The following AP5Z1 variants were observed in gnomAD, a reference collection of about 807,000 sequenced individuals.
The protein encoded by AP5Z1 is AP-5 complex subunit zeta-1.
A neutral mutation model predicts 83.0 loss-of-function variants in AP5Z1; 106 were observed. The ratio of observed to expected loss-of-function variants is 1.28; its 90% CI spans 1.09 to 1.50. AP5Z1 has a LOEUF of 1.50. AP5Z1 is among the 40% of genes most tolerant of loss of function. The pLI is 0.00. For synonymous variants in AP5Z1, 751 were observed against 514.1 expected (o/e 1.46, Z -6.23); for missense variants, 1,565 against 1,094.2 (o/e 1.43, Z -6.07).
In AP5Z1 at chr7:4,783,703, CT is replaced by C; in HGVS notation, c.527del (p.Leu176ProfsTer43). The C allele has an allele frequency of 6.4e-7, 1 of 1,550,602 alleles. No individual in the cohort carries two copies. The highest frequency in any genetic ancestry group is 8.7e-7 in the Non-Finnish European group (1 of 1,146,868). On this transcript the variant is annotated frameshift_variant, in exon 5 of 17. Transcript: ENST00000649063. LOFTEE classifies it high-confidence loss of function. Reference sequence around the variant, plus strand: ...ACCCACTGCAGACCAGGCCACCCTGCTCAGCAAGCGGCTGGTCGACTGGCTG... The same window carrying C: ...ACCCACTGCAGACCAGGCCACCCTGCCAGCAAGCGGCTGGTCGACTGGCTG... Reference protein sequence around the residue: ...GTLQEDQATLLSKRLVDWLRY... With the variant: ...GTLQEDQATLXSKRLVDWLRY...
At chr7:4,784,537 C>T (rs893877007) in intron 6 of AP5Z1, among the ~76,000 whole-genome samples, 166 bp downstream of exon 6, 1 of 152,090 alleles carries the variant, frequency 6.6e-6, no homozygotes. Context: ...AGGCGGAGAG[C>T]ACTCCCTGGC....
At position 4,785,017 on chromosome 7, in the gene AP5Z1, C is replaced by T. The variant is rs146915189; in HGVS notation, c.900C>T (p.Tyr300=). ...GGCTTCGGGAGGTGGCCTTCGAGTA[C>T]TGCCAGCGCCTCATTGAGCAAAGTA... is the stretch of plus-strand genomic sequence containing the variant. The part of the protein sequence containing the change: ...RERLREVAFE[Y]CQRLIEQSNR... The change falls in exon 7 of 17, where the codon TAC becomes TAT. Residue 300 remains tyrosine (Y), a synonymous_variant. Transcript: ENST00000649063. 870 of 1,608,642 alleles carry T rather than the reference C, an allele frequency of 5.4e-4. 3 individuals carry two copies. In the African/African-American group the frequency reaches 9.9e-3, roughly 18 times the overall value.
chr7:4,791,086 C>T, intron 16 of AP5Z1, 29 bp from the exon 17 acceptor site: 1 of 1,541,432 alleles, frequency 6.5e-7, no homozygotes, highest in Non-Finnish European at 8.7e-7. Context: ...GGAGCATCTG[C>T]AGCTGACGGA....
In AP5Z1 at chr7:4,791,400, G is replaced by A; in HGVS notation, c.*15G>A. On this transcript the variant is annotated 3_prime_UTR_variant, in exon 17 of 17. Transcript: ENST00000649063. ...TGCCAGGGTGAAGGGACAGTGGCCA[G>A]GGACTTCGGTGCAGATTAAGAGCCT... The A allele has an allele frequency of 2.5e-6, 4 of 1,595,610 alleles. No individual in the cohort carries two copies. Among genetic ancestry groups the A allele is most frequent in the Non-Finnish European group, 3.4e-6 (4 of 1,170,918 alleles).
chr7:4,787,565 C>T, intron 10 of AP5Z1, 69 bp from the exon 11 acceptor site: 3 of 1,511,604 alleles, frequency 2.0e-6, no homozygotes, highest in Non-Finnish European at 2.7e-6. Flanking sequence ...GGGGCCCTAG[C>T]TGGCTCCTCC....
intron 9 of AP5Z1, among the ~76,000 whole-genome samples, 192 bp downstream of exon 9, chr7:4,785,876 G>A (rs1304241320): frequency 6.6e-6 from 1 of 151,790 alleles, no homozygotes; most frequent in African/African-American, 2.4e-5. Flanking sequence ...CAAAGTGCTG[G>A]GATTACGGGC....
rs1305810263 is a variant in AP5Z1, at chr7:4,785,459, G to A, written c.969+7G>A. 6.2e-7 allele frequency: 1 copy of A among 1,613,476 alleles called. No homozygotes were observed. The highest frequency in any genetic ancestry group is 8.5e-7 in the Non-Finnish European group (1 of 1,179,700). ...CTCCGACCTGCAGAAAGCTGTAAGT[G>A]GCTGGGGACCAGGGGATGGGAGGCA... On this transcript the variant is annotated splice_region_variant and intron_variant, in intron 8 of 16. Transcript: ENST00000649063.
At chr7:4,790,226 C>G (rs1407134381) in intron 14 of AP5Z1, 2 of 1,549,948 alleles carry the variant, frequency 1.3e-6, no homozygotes, top group Non-Finnish European at 8.7e-7. Flanking sequence ...CTGATGCATG[C>G]AGGCCCATCC....
rs907278157 is a variant in AP5Z1 at position 4,794,087 on chromosome 7, A to G, written c.*2702A>G. On this transcript the variant is annotated 3_prime_UTR_variant, in exon 17 of 17. Coordinates refer to ENST00000649063, the MANE Select transcript of AP5Z1 (RefSeq NM_014855.3). ...CTTGTGTCTAGCTCAGGGTTTGTGA[A>G]TGCACCAATAGACACTCTGTATCTA... The G allele has an allele frequency of 6.6e-6, 1 of 152,650 alleles. No homozygotes were observed. The highest frequency in any genetic ancestry group is 1.5e-5 in the Non-Finnish European group (1 of 68,416). 9.5% of individuals were successfully genotyped at this position (152,650 alleles called of 1,614,324 possible). A position where few individuals can be genotyped will look rare whatever the true frequency, so the allele number is the denominator to read the frequency against.
Position 4,785,051 on chromosome 7 carries a change from G to C in AP5Z1, c.931+3G>C. 6.3e-7 allele frequency: 1 copy of C among 1,593,968 alleles called. No individual in the cohort carries two copies. On this transcript the variant is annotated splice_donor_region_variant and intron_variant, in intron 7 of 16. Coordinates refer to ENST00000649063, the MANE Select transcript of AP5Z1 (RefSeq NM_014855.3). ...CCTCATTGAGCAAAGTAACCGACGT[G>C]AGTCCCCCACCCAGGGCACTGGCCT...
rs774068163 is a variant in AP5Z1, at chr7:4,784,321, G to A, written c.740G>A (p.Arg247Gln). ...WLNVQAFSML[R>Q]AWLLHSGPEG... ...AACGTGCAGGCCTTCTCTATGCTGC[G>A]GGCGTGGCTGCTGCACAGCGGCCCC... Residue 247 changes from arginine to glutamine, a missense_variant, in exon 6 of 17, where the codon CGG becomes CAG. Transcript: ENST00000649063. 3.7e-5 allele frequency: 60 copies of A among 1,600,998 alleles called. No individual in the cohort carries two copies. The highest frequency in any genetic ancestry group is 2.9e-4 in the Admixed American group (17 of 58,178).
At chr7:4,790,170 G>T (rs997874266) in intron 14 of AP5Z1, 3 of 1,527,358 alleles carry the variant, frequency 2.0e-6, no homozygotes, top group Admixed American at 4.0e-5. Flanking sequence ...GTTAGCTCAG[G>T]TCCCTCTTCC....
chr7:4,780,262 G>A (rs568316343), intron 1 of AP5Z1, among the ~76,000 whole-genome samples: 609 of 152,200 alleles, frequency 4.0e-3, no homozygotes, highest in Non-Finnish European at 7.3e-3. Flanking sequence ...TTAGTTATTC[G>A]AGTAAAAAAA....
At position 4,785,426 on chromosome 7, in the gene AP5Z1, A is replaced by T; in HGVS notation, c.943A>T (p.Lys315Ter). ...IEQSNRRALR[K>*]GDSDLQKACL... ...TCCCCTCCTTCCAGGAGCCCTGAGG[A>T]AGGGGGACTCCGACCTGCAGAAAGC... is the stretch of plus-strand genomic sequence containing the variant. The change falls in exon 8 of 17, where the codon AAG (lysine) becomes TAG (stop). Residue 315 changes from lysine (K) to a stop codon, truncating the protein, a stop_gained. Transcript: ENST00000649063. LOFTEE classifies it high-confidence loss of function. The T allele has an allele frequency of 1.2e-6, 2 of 1,613,322 alleles. No homozygotes were observed. Among genetic ancestry groups the T allele is most frequent in the Non-Finnish European group, 1.7e-6 (2 of 1,179,636 alleles).
chr7:4,780,427 T>C (rs1412544154), intron 1 of AP5Z1, among the ~76,000 whole-genome samples: 1 of 150,740 alleles, frequency 6.6e-6, no homozygotes, highest in Non-Finnish European at 1.5e-5. Context: ...GAGACCAGCC[T>C]GGCCAACATG....
Position 4,791,245 on chromosome 7 carries a change from A to G in AP5Z1, c.2284A>G (p.Ser762Gly). ...GCTGCTGACCCTGCTGAAGATGCCT[A>G]GCGTGGCCCAGTTTGTGCTCACACC... ...TELLTLLKMPSVAQFVLTPST... is the reference protein window; with the variant it reads ...TELLTLLKMPGVAQFVLTPST... The change falls in exon 17 of 17, where the codon AGC (serine) becomes GGC (glycine). Residue 762 changes from serine to glycine, a missense_variant. Transcript: ENST00000649063. 6.2e-7 allele frequency: 1 copy of G among 1,612,766 alleles called. No individual in the cohort carries two copies.
At position 4,788,896 on chromosome 7, in the gene AP5Z1, A is replaced by T; in HGVS notation, c.1652A>T (p.Gln551Leu). 4 of 1,611,128 alleles carry T rather than the reference A, an allele frequency of 2.5e-6. No homozygotes were observed. Among genetic ancestry groups the T allele is most frequent in the Non-Finnish European group, 3.4e-6 (4 of 1,179,390 alleles). The part of the protein sequence containing the change: ...QPMAGCARVA[Q>L]CAQAVPTLLQ... Reference sequence around the variant, plus strand: ...ATGGCCGGCTGTGCCCGCGTGGCCCAGTGTGCCCAGGCCGTGCCCACGCTG... The same window carrying T: ...ATGGCCGGCTGTGCCCGCGTGGCCCTGTGTGCCCAGGCCGTGCCCACGCTG... Residue 551 changes from glutamine (Q) to leucine (L), a missense_variant, in exon 13 of 17, where the codon CAG (glutamine) becomes CTG (leucine). Physicochemically the swap from Gln to Leu is moderately radical, Grantham distance 113. Coordinates refer to ENST00000649063, the MANE Select transcript of AP5Z1 (RefSeq NM_014855.3).
intron 1 of AP5Z1, among the ~76,000 whole-genome samples, chr7:4,779,137 T>C (rs886713279): frequency 1.4e-5 from 2 of 144,684 alleles, no homozygotes; most frequent in African/African-American, 5.0e-5. Flanking sequence ...ATATTATATA[T>C]TATATATAAC....
intron 16 of AP5Z1, 49 bp from the exon 17 acceptor site, chr7:4,791,059 ACCCCTGT>A (rs1168215240): frequency 6.6e-7 from 1 of 1,505,026 alleles, no homozygotes; most frequent in African/African-American, 1.4e-5. Context: ...CTCCACACAG[ACCCCTGT>A]CCTGGGAGGG....
Sources: gnomAD v4.1 joint callset for allele counts (sites outside exome capture counted in the v4.1 genomes callset) on GRCh38, gnomAD v4.1.1 for gene constraint, MANE v1.5 for transcripts, NCBI Gene and HGNC (gene_info 2026-07-23, HGNC 2026-07-21) for gene names.